The following NRF1 variants were observed in gnomAD, a reference collection of about 807,000 sequenced individuals.
NRF1 encodes the protein nuclear respiratory factor 1.
In NRF1, 5 loss-of-function variants were observed where a neutral mutation model predicts 58.5. That is an observed-to-expected ratio of 0.09 (90% CI 0.04 to 0.18). NRF1 has a LOEUF of 0.18. Ranked by LOEUF, NRF1 falls within the 10% of genes least tolerant of loss-of-function variation. NRF1 has a pLI of 1.00. For synonymous variants in NRF1, 224 were observed against 246.7 expected (o/e 0.91, Z 0.86); for missense variants, 288 against 657.7 (o/e 0.44, Z 6.15).
intron 5 of NRF1, among the ~76,000 whole-genome samples, chr7:129,691,774 C>T (rs537159603): frequency 1.3e-5 from 2 of 152,254 alleles, no homozygotes; most frequent in South Asian, 4.1e-4. Flanking sequence ...AAAGCATCTT[C>T]TCTCTGTCTC....
intron 5 of NRF1, among the ~76,000 whole-genome samples, chr7:129,701,933 A>C (rs776699313): frequency 2.0e-5 from 3 of 152,206 alleles, no homozygotes; most frequent in Non-Finnish European, 4.4e-5. Flanking sequence ...GAAGATCTCT[A>C]TGACAAAATG....
chr7:129,754,563 G>A (rs560617011), intron 10 of NRF1, among the ~76,000 whole-genome samples: 1 of 151,838 alleles, frequency 6.6e-6, no homozygotes, highest in African/African-American at 2.4e-5. Context: ...GGTTGGGGAG[G>A]GGGGCAGGAG....
At chr7:129,628,546 T>C (rs1800973940) in intron 1 of NRF1, among the ~76,000 whole-genome samples, 1 of 152,230 alleles carries the variant, frequency 6.6e-6, no homozygotes, top group Non-Finnish European at 1.5e-5. Flanking sequence ...AGAAACATTA[T>C]ATTTTACAGT....
rs1447634553 is a variant in NRF1 at position 129,710,492 on chromosome 7, A to G, written c.884A>G (p.His295Arg). The G allele has an allele frequency of 1.2e-6, 2 of 1,608,960 alleles. No individual in the cohort carries two copies. The highest frequency in any genetic ancestry group is 1.7e-6 in the Non-Finnish European group (2 of 1,175,274). ...QQTQTQATAT[H>R]SIAHLVPSQT... ...ACGCAAACACAGGCCACAGCCACACATAGTATAGCTCATCTTGTACCATCA... is the reference window on the plus strand; with the variant it reads ...ACGCAAACACAGGCCACAGCCACACGTAGTATAGCTCATCTTGTACCATCA... Residue 295 changes from histidine to arginine, a missense_variant, in exon 7 of 11, where the codon CAT becomes CGT. Physicochemically the swap from His to Arg is conservative, Grantham distance 29 (BLOSUM62 0). Coordinates refer to ENST00000393232, the MANE Select transcript of NRF1 (RefSeq NM_005011.5).
chr7:129,643,627 T>C (rs1227974074), intron 1 of NRF1, among the ~76,000 whole-genome samples: 1 of 152,238 alleles, frequency 6.6e-6, no homozygotes, highest in African/African-American at 2.4e-5. Flanking sequence ...ACAACTCACC[T>C]GCTTTTTATT....
intron 1 of NRF1, among the ~76,000 whole-genome samples, chr7:129,646,370 G>A (rs1289149830): frequency 2.0e-5 from 3 of 152,092 alleles, no homozygotes; most frequent in Non-Finnish European, 4.4e-5. Context: ...AGTATTAATC[G>A]GGGCCTAGAA....
intron 1 of NRF1, among the ~76,000 whole-genome samples, chr7:129,646,709 C>T (rs1208377387): frequency 6.6e-6 from 1 of 152,214 alleles, no homozygotes; most frequent in Non-Finnish European, 1.5e-5. Flanking sequence ...CTTCTCTCCC[C>T]TTCCAGTCTC....
At chr7:129,680,551 A>G (rs1802284629) in intron 4 of NRF1, among the ~76,000 whole-genome samples, 1 of 152,256 alleles carries the variant, frequency 6.6e-6, no homozygotes, top group Non-Finnish European at 1.5e-5. Flanking sequence ...TCAAATGTTC[A>G]TCGGCTGATG....
chr7:129,672,721 A>AG (rs1209829561), intron 3 of NRF1, among the ~76,000 whole-genome samples: 5 of 152,140 alleles, frequency 3.3e-5, no homozygotes, highest in Non-Finnish European at 7.4e-5. Context: ...CATTTACTGG[A>AG]GGAGGAGCGA....
chr7:129,750,754 C>T (rs1804096292), intron 10 of NRF1, among the ~76,000 whole-genome samples: 1 of 152,164 alleles, frequency 6.6e-6, no homozygotes, highest in Non-Finnish European at 1.5e-5. Context: ...AAGATGGAAT[C>T]TTTCAAAAAC....
At chr7:129,660,950 T>G (rs1167428829) in intron 2 of NRF1, among the ~76,000 whole-genome samples, 1 of 151,256 alleles carries the variant, frequency 6.6e-6, no homozygotes, top group Non-Finnish European at 1.5e-5. Flanking sequence ...TGCAGCAAAC[T>G]TCTGCCTGGA....
In NRF1 at chr7:129,744,182, T is replaced by C. The variant is rs544170514; in HGVS notation, c.1349-10836T>C. 1.7e-4 allele frequency: 259 copies of C among 1,545,140 alleles called. No individual in the cohort carries two copies. The African/African-American group carries it at 2.8e-3, about 17-fold the overall frequency. On this transcript the variant is annotated intron_variant, in intron 10 of 10. Coordinates refer to ENST00000393232, the MANE Select transcript of NRF1 (RefSeq NM_005011.5). ...TCTGTGTTATTGTCAGGCCTCTTTA[T>C]GGCAGATCGTGCAGGTCGCAAGTGG...
At chr7:129,713,338 C>G (rs775952881) in intron 8 of NRF1, among the ~76,000 whole-genome samples, 1 of 152,106 alleles carries the variant, frequency 6.6e-6, no homozygotes, top group African/African-American at 2.4e-5. Flanking sequence ...ATCCGCCTGC[C>G]TTGGCCTCCC....
At chr7:129,744,158 C>G (rs755366051) in intron 10 of NRF1, 75 of 958,288 alleles carry the variant, frequency 7.8e-5, no homozygotes, top group Middle Eastern at 3.5e-4. Flanking sequence ...TTTAACAGTT[C>G]TGTGTTATTG....
At chr7:129,658,657 A>G (rs1801714653) in intron 2 of NRF1, among the ~76,000 whole-genome samples, 1 of 151,596 alleles carries the variant, frequency 6.6e-6, no homozygotes, top group African/African-American at 2.4e-5. Flanking sequence ...TAACCTCTAC[A>G]GGGATAATAC....
At chr7:129,656,520 C>G (rs1345474050) in intron 1 of NRF1, among the ~76,000 whole-genome samples, 1 of 151,800 alleles carries the variant, frequency 6.6e-6, no homozygotes, top group Non-Finnish European at 1.5e-5. Flanking sequence ...TTATACATTA[C>G]TGTATCATTT....
At chr7:129,744,731 G>A (rs567922274) in intron 10 of NRF1, among the ~76,000 whole-genome samples, 1 of 152,132 alleles carries the variant, frequency 6.6e-6, no homozygotes, top group South Asian at 2.1e-4. Context: ...CTTTTTTCAG[G>A]TGTCTCACTG....
intron 8 of NRF1, among the ~76,000 whole-genome samples, chr7:129,713,017 G>A (rs906294095): frequency 5.3e-5 from 8 of 151,216 alleles, no homozygotes; most frequent in African/African-American, 1.9e-4. Flanking sequence ...TTTAAAGAAA[G>A]TAACTTCGTT....
chr7:129,737,908 AGGCAGCC>A (rs1562989176), intron 10 of NRF1, among the ~76,000 whole-genome samples: 2 of 152,230 alleles, frequency 1.3e-5, no homozygotes, highest in Non-Finnish European at 2.9e-5. Flanking sequence ...GACTTGAAGC[AGGCAGCC>A]CCTAAGCAAC....
Sources: gnomAD v4.1 joint callset for allele counts (sites outside exome capture counted in the v4.1 genomes callset) on GRCh38, gnomAD v4.1.1 for gene constraint, MANE v1.5 for transcripts, NCBI Gene and HGNC (gene_info 2026-07-23, HGNC 2026-07-21) for gene names.